Variants in RFX3 observed in about 807,000 individuals in gnomAD.
RFX3 encodes the protein regulatory factor X3, also known as transcription factor RFX3.
In RFX3, 14 loss-of-function variants were observed where a neutral mutation model predicts 98.6. The ratio of observed to expected loss-of-function variants is 0.14; its 90% CI spans 0.09 to 0.22. The LOEUF is 0.22. Among genes scored for constraint, RFX3 ranks in the 10% least tolerant of loss-of-function variants. The pLI is 1.00. For synonymous variants in RFX3, 383 were observed against 328.4 expected (o/e 1.17, Z -1.80); for missense variants, 639 against 926.9 (o/e 0.69, Z 4.03).
chr9:3,277,941 C>G (rs1202760573), intron 7 of RFX3, among the ~76,000 whole-genome samples: 1 of 151,894 alleles, frequency 6.6e-6, no homozygotes, highest in Non-Finnish European at 1.5e-5. Context: ...TTTCATATCT[C>G]CTAGAACCTT....
intron 4 of RFX3, among the ~76,000 whole-genome samples, chr9:3,305,330 G>GA (rs1441426153): frequency 6.6e-6 from 1 of 151,952 alleles, no homozygotes; most frequent in Non-Finnish European, 1.5e-5. Context: ...AGGGATGTAT[G>GA]AAAAATGCTA....
At chr9:3,255,896 G>A (rs965581371) in intron 14 of RFX3, among the ~76,000 whole-genome samples, 4 of 151,964 alleles carry the variant, frequency 2.6e-5, no homozygotes, top group African/African-American at 7.3e-5. Context: ...CGAGATTACT[G>A]ATGATCATTA....
At chr9:3,429,053 C>T (rs1274062512) in intron 1 of RFX3, among the ~76,000 whole-genome samples, 3 of 144,900 alleles carry the variant, frequency 2.1e-5, no homozygotes, top group Non-Finnish European at 4.5e-5. Context: ...GACGGAGTCT[C>T]GCTGTGTCTC....
At chr9:3,469,291 ATT>A (rs1361900968) in intron 1 of RFX3, 8 of 320,832 alleles carry the variant, frequency 2.5e-5, no homozygotes, top group African/African-American at 1.7e-4. Context: ...CATATACATT[ATT>A]TTCTTTACCT....
rs569454387 is a variant in RFX3 at position 3,404,777 on chromosome 9, G to A, written c.-8-9181C>T. The stretch of plus-strand genomic sequence containing the variant: ...TCTCTCTCAAACTTTGGTGGTCTTC[G>A]ATGGAGACTAAAATGGGGAAAAAAA... On this transcript the variant is annotated intron_variant, in intron 1 of 16. Coordinates refer to ENST00000617270, the MANE Select transcript of RFX3 (RefSeq NM_001282116.2). Among the ~76,000 whole-genome samples, 13 of 152,098 alleles carry A rather than the reference G, an allele frequency of 8.5e-5. No homozygotes were observed. The South Asian group carries it at 1.5e-3, about 17-fold the overall frequency.
intron 1 of RFX3, among the ~76,000 whole-genome samples, chr9:3,414,932 G>GTA (rs907459113): frequency 1.1e-4 from 14 of 132,236 alleles, no homozygotes; most frequent in South Asian, 2.3e-4. Context: ...TCATATGTGT[G>GTA]TATATATATA....
chr9:3,504,873 TATATATTATATATAATATAAC>T (rs1816660299), intron 1 of RFX3, among the ~76,000 whole-genome samples: 1 of 48,820 alleles, frequency 2.0e-5, no homozygotes, highest in Non-Finnish European at 3.2e-5. Context: ...ATATATATTA[TATATATTATATATAATATAAC>T]ATATATTATA....
chr9:3,443,421 A>T (rs1411222984), intron 1 of RFX3, among the ~76,000 whole-genome samples: 1 of 152,124 alleles, frequency 6.6e-6, no homozygotes, highest in Non-Finnish European at 1.5e-5. Flanking sequence ...CGTTCTCATC[A>T]TTCAGCTCCC....
At chr9:3,478,529 T>C (rs1281623775) in intron 1 of RFX3, among the ~76,000 whole-genome samples, 1 of 151,974 alleles carries the variant, frequency 6.6e-6, no homozygotes, top group Non-Finnish European at 1.5e-5. Flanking sequence ...TTTCCTTAAA[T>C]GCTTTGCCTA....
intron 2 of RFX3, among the ~76,000 whole-genome samples, chr9:3,367,798 T>C (rs1341867078): frequency 6.6e-6 from 1 of 152,220 alleles, no homozygotes; most frequent in Non-Finnish European, 1.5e-5. Context: ...AGGATAATTC[T>C]TCCTCAAAAA....
chr9:3,236,566 T>C (rs2130792103), intron 15 of RFX3, among the ~76,000 whole-genome samples: 1 of 152,298 alleles, frequency 6.6e-6, no homozygotes, highest in South Asian at 2.1e-4. Flanking sequence ...TGTCAGCACT[T>C]CTCAATGGTT....
At chr9:3,286,148 T>G (rs1340649230) in intron 7 of RFX3, among the ~76,000 whole-genome samples, 1 of 151,820 alleles carries the variant, frequency 6.6e-6, no homozygotes, top group African/African-American at 2.4e-5. Context: ...TTTCTTGATT[T>G]CACCATCATC....
chr9:3,306,634 A>C (rs1484615996), intron 4 of RFX3, among the ~76,000 whole-genome samples: 2 of 151,234 alleles, frequency 1.3e-5, no homozygotes, highest in Admixed American at 1.3e-4. Flanking sequence ...TACCATTAGG[A>C]GACATACCTA....
chr9:3,278,604 C>T (rs1339024585), intron 7 of RFX3, among the ~76,000 whole-genome samples: 1 of 151,778 alleles, frequency 6.6e-6, no homozygotes, highest in African/African-American at 2.4e-5. Flanking sequence ...TCAAAGATGC[C>T]TGCATGCTGA....
intron 1 of RFX3, among the ~76,000 whole-genome samples, chr9:3,487,179 C>G (rs933801639): frequency 2.0e-5 from 3 of 152,048 alleles, no homozygotes; most frequent in South Asian, 2.1e-4. Context: ...GTTCTATAAA[C>G]AGACAATAGC....
At chr9:3,363,589 C>G (rs1836712732) in intron 2 of RFX3, among the ~76,000 whole-genome samples, 1 of 152,172 alleles carries the variant, frequency 6.6e-6, no homozygotes, top group Non-Finnish European at 1.5e-5. Context: ...AGTGCTAACA[C>G]TATTATTAAT....
intron 1 of RFX3, chr9:3,489,222 C>G (rs560441876): frequency 6.3e-6 from 1 of 157,518 alleles, no homozygotes; most frequent in South Asian, 2.0e-4. Flanking sequence ...TGCATTTCAA[C>G]TCTTTGGAAA....
At chr9:3,452,422 G>C (rs7873339) in intron 1 of RFX3, 1 of 233,684 alleles carries the variant, frequency 4.3e-6, no homozygotes, top group Non-Finnish European at 9.3e-6. Context: ...GAGACACCAG[G>C]TCTATAAAAT....
intron 6 of RFX3, among the ~76,000 whole-genome samples, chr9:3,290,135 T>A (rs904433950): frequency 6.6e-6 from 1 of 151,920 alleles, no homozygotes; most frequent in African/African-American, 2.4e-5. Context: ...CCCTCCATAG[T>A]ACTTATTTTC....
Sources: gnomAD v4.1 joint callset for allele counts (sites outside exome capture counted in the v4.1 genomes callset) on GRCh38, gnomAD v4.1.1 for gene constraint, MANE v1.5 for transcripts, NCBI Gene and HGNC (gene_info 2026-07-23, HGNC 2026-07-21) for gene names.